VMP1: variants seen among roughly 807,000 people sequenced by gnomAD.
VMP1 encodes the protein vacuole membrane protein 1, also known as ectopic P-granules autophagy protein 3 homolog.
Under a neutral mutation model 56.0 loss-of-function variants are expected in VMP1, and 11 were observed. The observed-to-expected ratio is 0.20, with a 90% CI of 0.12 to 0.32. The LOEUF (loss-of-function observed/expected upper bound fraction) is 0.32, where lower values mean the gene tolerates loss of function less well. Among genes scored for constraint, VMP1 ranks in the 10% least tolerant of loss-of-function variants. The pLI is 1.00. For missense variants in VMP1, 296 were observed against 490.3 expected (o/e 0.60, Z 3.74); for synonymous variants, 149 against 165.0 (o/e 0.90, Z 0.74).
chr17:59,760,070 C>T (rs1363277577), intron 5 of VMP1, among the ~76,000 whole-genome samples: 2 of 149,760 alleles, frequency 1.3e-5, no homozygotes, highest in African/African-American at 2.5e-5. Context: ...CTCCACTGAG[C>T]TGTGATCACA....
intron 9 of VMP1, among the ~76,000 whole-genome samples, chr17:59,817,282 C>CAA (rs1209080230): frequency 3.7e-4 from 22 of 60,160 alleles, no homozygotes; most frequent in East Asian, 1.3e-3. Context: ...AACTCTGTCT[C>CAA]AAAAAAAAAA....
At chr17:59,746,502 C>T (rs779699986) in intron 5 of VMP1, among the ~76,000 whole-genome samples, 8 of 152,294 alleles carry the variant, frequency 5.3e-5, no homozygotes, top group Admixed American at 1.3e-4. Flanking sequence ...AAGGTTATAA[C>T]TTGAAATTAA....
chr17:59,785,990 T>G (rs1031439102), intron 7 of VMP1, among the ~76,000 whole-genome samples: 18 of 152,150 alleles, frequency 1.2e-4, no homozygotes, highest in Admixed American at 1.0e-3. Context: ...CCTTACTAAT[T>G]TCTATTAAAT....
chr17:59,816,837 T>G (rs1377607852), intron 9 of VMP1, among the ~76,000 whole-genome samples: 1 of 151,598 alleles, frequency 6.6e-6, no homozygotes, highest in African/African-American at 2.4e-5. Flanking sequence ...TCCCAGCTAC[T>G]TGAGAGGCTG....
intron 6 of VMP1, among the ~76,000 whole-genome samples, chr17:59,769,793 A>G (rs2036361586): frequency 1.3e-5 from 2 of 152,198 alleles, no homozygotes; most frequent in Admixed American, 1.3e-4. Flanking sequence ...TCAGTGTTCC[A>G]CAATTTATGT....
intron 9 of VMP1, among the ~76,000 whole-genome samples, chr17:59,812,728 C>T (rs528374272): frequency 2.6e-4 from 40 of 151,712 alleles, no homozygotes; most frequent in African/African-American, 4.6e-4. Context: ...GTCAGGAGAT[C>T]GAGACCATCC....
In VMP1 at chr17:59,738,835, A is replaced by T; in HGVS notation, c.304-2A>T. 1 of 1,605,136 alleles carries T rather than the reference A, an allele frequency of 6.2e-7. No individual in the cohort carries two copies. The highest frequency in any genetic ancestry group is 8.5e-7 in the Non-Finnish European group (1 of 1,174,604). On this transcript the variant is annotated splice_acceptor_variant, in intron 4 of 11. Transcript: ENST00000262291. LOFTEE classifies it high-confidence loss of function. ...GGTTTTCACCTCATCCCTTTTTTTCAGTATGTGCAACGTATAGAGAAACAG... is the reference window on the plus strand; with the variant it reads ...GGTTTTCACCTCATCCCTTTTTTTCTGTATGTGCAACGTATAGAGAAACAG...
chr17:59,785,561 G>T (rs1004248342), intron 7 of VMP1, among the ~76,000 whole-genome samples: 1 of 151,836 alleles, frequency 6.6e-6, no homozygotes, highest in East Asian at 1.9e-4. Context: ...ATGATGGCAG[G>T]CATGTGTAAT....
intron 5 of VMP1, among the ~76,000 whole-genome samples, chr17:59,742,522 CAAT>C (rs71370113): frequency 0.14 from 20,231 of 142,714 alleles, 1,662 homozygotes; most frequent in Middle Eastern, 0.23. Context: ...GTCTCAAAAA[CAAT>C]AATAATAATA....
At chr17:59,730,694 T>A (rs1337945316) in intron 1 of VMP1, among the ~76,000 whole-genome samples, 2 of 152,242 alleles carry the variant, frequency 1.3e-5, no homozygotes, top group Non-Finnish European at 2.9e-5. Flanking sequence ...AAAGTTTTGC[T>A]TTACTAACAC....
intron 9 of VMP1, 83 bp from the exon 10 acceptor site, chr17:59,817,629 C>A: frequency 9.8e-7 from 1 of 1,021,204 alleles, no homozygotes; most frequent in East Asian, 2.6e-5. Flanking sequence ...AATCTTACCT[C>A]TTTAGACTAT....
At chr17:59,768,840 G>A (rs1200449217) in intron 6 of VMP1, among the ~76,000 whole-genome samples, 2 of 151,976 alleles carry the variant, frequency 1.3e-5, no homozygotes, top group African/African-American at 4.8e-5. Context: ...AAAAAAATTA[G>A]CTGGGCATGA....
chr17:59,766,900 C>T (rs1263191229), intron 6 of VMP1, among the ~76,000 whole-genome samples: 2 of 152,054 alleles, frequency 1.3e-5, no homozygotes, highest in Admixed American at 1.3e-4. Flanking sequence ...CTGCCTCAGC[C>T]TCCCCAGTAG....
At chr17:59,827,630 A>G (rs1376998877) in intron 10 of VMP1, among the ~76,000 whole-genome samples, 1 of 152,054 alleles carries the variant, frequency 6.6e-6, no homozygotes, top group Non-Finnish European at 1.5e-5. Flanking sequence ...TTTAGAACTC[A>G]GTGAGTCTTC....
chr17:59,728,521 C>T (rs2034694858), intron 1 of VMP1, among the ~76,000 whole-genome samples: 1 of 152,108 alleles, frequency 6.6e-6, no homozygotes, highest in Non-Finnish European at 1.5e-5. Context: ...CATGAGAATA[C>T]TCCTAATACT....
intron 5 of VMP1, among the ~76,000 whole-genome samples, chr17:59,752,691 T>G (rs2035696816): frequency 6.6e-6 from 1 of 152,170 alleles, no homozygotes; most frequent in African/African-American, 2.4e-5. Context: ...AAATACCAGA[T>G]TTTACAAGAT....
At chr17:59,768,309 A>G (rs2036302471) in intron 6 of VMP1, among the ~76,000 whole-genome samples, 1 of 152,082 alleles carries the variant, frequency 6.6e-6, no homozygotes, top group South Asian at 2.1e-4. Context: ...GTCTTCAACA[A>G]ATGGTGCTGG....
chr17:59,729,060 C>T (rs983606490), intron 1 of VMP1, among the ~76,000 whole-genome samples: 17 of 152,196 alleles, frequency 1.1e-4, no homozygotes, highest in Non-Finnish European at 2.1e-4. Context: ...ACTTCTTTCA[C>T]TTAGCATATT....
At chr17:59,711,022 G>A (rs1385731430) in intron 1 of VMP1, among the ~76,000 whole-genome samples, 1 of 151,342 alleles carries the variant, frequency 6.6e-6, no homozygotes, top group East Asian at 1.9e-4. Context: ...GCAGTGAGCC[G>A]AGATCGCGCC....
Sources: gnomAD v4.1 joint callset for allele counts (sites outside exome capture counted in the v4.1 genomes callset) on GRCh38, gnomAD v4.1.1 for gene constraint, MANE v1.5 for transcripts, NCBI Gene and HGNC (gene_info 2026-07-23, HGNC 2026-07-21) for gene names.